The following DPP10 variants were observed in gnomAD, a reference collection of about 807,000 sequenced individuals.
DPP10 encodes dipeptidyl peptidase like 10, also known as inactive dipeptidyl peptidase 10.
In DPP10, 33 loss-of-function variants were observed where a neutral mutation model predicts 120.9. That is an observed-to-expected ratio of 0.27 (90% CI 0.21 to 0.37). DPP10 has a LOEUF of 0.37. Among genes scored for constraint, DPP10 ranks in the 10% least tolerant of loss-of-function variants. The pLI is 1.00. For synonymous variants in DPP10, 337 were observed against 326.1 expected (o/e 1.03, Z -0.36); for missense variants, 816 against 942.8 (o/e 0.87, Z 1.76).
intron 1 of DPP10, among the ~76,000 whole-genome samples, chr2:114,500,932 G>A (rs928023069): frequency 4.6e-5 from 7 of 152,174 alleles, no homozygotes; most frequent in African/African-American, 7.2e-5. Context: ...CCTCAGAGCC[G>A]AGGGCCACAG....
intron 19 of DPP10, among the ~76,000 whole-genome samples, chr2:115,807,010 A>G (rs969008223): frequency 6.6e-6 from 1 of 152,176 alleles, no homozygotes; most frequent in Non-Finnish European, 1.5e-5. Flanking sequence ...TCTTTTAACC[A>G]TGAATAATTT....
At chr2:115,148,329 G>A (rs2051345002) in intron 1 of DPP10, among the ~76,000 whole-genome samples, 1 of 152,156 alleles carries the variant, frequency 6.6e-6, no homozygotes, top group Non-Finnish European at 1.5e-5. Flanking sequence ...ATATTTACAA[G>A]CATGGAAATG....
chr2:114,508,805 T>C (rs1023838230), intron 1 of DPP10, among the ~76,000 whole-genome samples: 1 of 152,130 alleles, frequency 6.6e-6, no homozygotes, highest in Non-Finnish European at 1.5e-5. Flanking sequence ...ATCTCATCAC[T>C]GGTTCATTGA....
At chr2:115,536,292 C>T (rs1163634151) in intron 5 of DPP10, among the ~76,000 whole-genome samples, 1 of 151,910 alleles carries the variant, frequency 6.6e-6, no homozygotes, top group East Asian at 1.9e-4. Flanking sequence ...CTATCATGAA[C>T]ATTCCACTAT....
At chr2:115,714,539 C>T (rs1489242833) in intron 7 of DPP10, among the ~76,000 whole-genome samples, 2 of 152,204 alleles carry the variant, frequency 1.3e-5, no homozygotes, top group Non-Finnish European at 2.9e-5. Flanking sequence ...GTTTTCCCTA[C>T]ATCTCTCTTG....
chr2:114,933,592 A>G (rs1287721493), intron 1 of DPP10, among the ~76,000 whole-genome samples: 1 of 152,208 alleles, frequency 6.6e-6, no homozygotes, highest in South Asian at 2.1e-4. Flanking sequence ...ATTGCAGTTG[A>G]TTGACTAAAT....
intron 5 of DPP10, among the ~76,000 whole-genome samples, chr2:115,655,411 C>G (rs1020937834): frequency 1.6e-4 from 25 of 151,660 alleles, no homozygotes; most frequent in African/African-American, 5.8e-4. Flanking sequence ...TAGAGTATAA[C>G]AAGTTCTTTA....
At chr2:115,027,724 G>A (rs1014046356) in intron 1 of DPP10, among the ~76,000 whole-genome samples, 7 of 151,962 alleles carry the variant, frequency 4.6e-5, no homozygotes, top group African/African-American at 1.2e-4. Flanking sequence ...TTTAATGTTC[G>A]GTAGAACATC....
intron 9 of DPP10, among the ~76,000 whole-genome samples, chr2:115,742,442 T>C (rs1225987814): frequency 6.6e-5 from 10 of 152,174 alleles, no homozygotes; most frequent in Non-Finnish European, 1.0e-4. Flanking sequence ...CTATATATGA[T>C]AACTACCATT....
chr2:115,757,035 C>T (rs551259795), intron 11 of DPP10, among the ~76,000 whole-genome samples: 22 of 152,272 alleles, frequency 1.4e-4, no homozygotes, highest in African/African-American at 4.8e-4. Context: ...CCTCTTAATA[C>T]TGTTGCAATC....
chr2:115,669,392 G>T (rs1432396850), intron 5 of DPP10, among the ~76,000 whole-genome samples: 1 of 151,962 alleles, frequency 6.6e-6, no homozygotes, highest in African/African-American at 2.4e-5. Context: ...GAATGCAAAC[G>T]GGAAAAATTA....
At chr2:114,922,918 A>G (rs1487196328) in intron 1 of DPP10, among the ~76,000 whole-genome samples, 1 of 152,096 alleles carries the variant, frequency 6.6e-6, no homozygotes, top group Non-Finnish European at 1.5e-5. Context: ...TAGGAGCAGA[A>G]TTATTGGTTT....
At chr2:114,677,082 A>G (rs1037037503) in intron 1 of DPP10, among the ~76,000 whole-genome samples, 1 of 152,082 alleles carries the variant, frequency 6.6e-6, no homozygotes, top group African/African-American at 2.4e-5. Flanking sequence ...TTAGCTACTA[A>G]GCAATGTTAT....
rs141300335 is a variant in DPP10, at chr2:114,521,039, G to A, written c.60+78201G>A. 1.2e-3 allele frequency among the ~76,000 whole-genome samples: 177 copies of A among 152,110 alleles called. 1 individual carries two copies. The highest frequency in any genetic ancestry group is 4.1e-3 in the African/African-American group (172 of 41,492). ...ATTCCAAGAAGCACCGTGAGCAGAA[G>A]ACCTAAAACAAGACCCATAGAGTAA... On this transcript the variant is annotated intron_variant, in intron 1 of 25. Transcript: ENST00000410059.
At chr2:114,602,801 C>T (rs1338688606) in intron 1 of DPP10, among the ~76,000 whole-genome samples, 1 of 152,036 alleles carries the variant, frequency 6.6e-6, no homozygotes. Context: ...AACCTGCCTA[C>T]TCCAGACAAC....
intron 2 of DPP10, among the ~76,000 whole-genome samples, chr2:115,333,491 G>C (rs550192777): frequency 1.3e-5 from 2 of 152,028 alleles, no homozygotes; most frequent in Non-Finnish European, 2.9e-5. Flanking sequence ...TATTTTGCTC[G>C]TTAGTTGATG....
At chr2:115,350,246 T>C in intron 3 of DPP10, among the ~76,000 whole-genome samples, 1 of 151,638 alleles carries the variant, frequency 6.6e-6, no homozygotes, top group South Asian at 2.1e-4. Context: ...AATATGGAAT[T>C]ATATATATAG....
chr2:114,633,248 C>CTT (rs35372708), intron 1 of DPP10, among the ~76,000 whole-genome samples: 109 of 72,758 alleles, frequency 1.5e-3, no homozygotes, highest in Non-Finnish European at 1.8e-3. Flanking sequence ...GTTTTTCTTT[C>CTT]TTTTTTTTTT....
chr2:115,111,381 G>C (rs1406210701), intron 1 of DPP10, among the ~76,000 whole-genome samples: 1 of 152,012 alleles, frequency 6.6e-6, no homozygotes, highest in East Asian at 1.9e-4. Context: ...AACTTGGTGG[G>C]GGATAAGGGG....
Sources: gnomAD v4.1 joint callset for allele counts (sites outside exome capture counted in the v4.1 genomes callset) on GRCh38, gnomAD v4.1.1 for gene constraint, MANE v1.5 for transcripts, NCBI Gene and HGNC (gene_info 2026-07-23, HGNC 2026-07-21) for gene names.